NDUFA10: variants seen among roughly 807,000 people sequenced by gnomAD.
NDUFA10 encodes the protein NADH:ubiquinone oxidoreductase subunit A10, also known as NADH dehydrogenase [ubiquinone] 1 alpha subcomplex subunit 10, mitochondrial.
A neutral mutation model predicts 47.8 loss-of-function variants in NDUFA10; 40 were observed. The observed-to-expected ratio is 0.84, with a 90% CI of 0.65 to 1.09. NDUFA10 has a LOEUF of 1.09. Ranked by LOEUF, NDUFA10 falls within the 50% of genes least tolerant of loss-of-function variation. The pLI is 0.00. For missense variants in NDUFA10, 413 were observed against 451.1 expected (o/e 0.92, Z 0.76); for synonymous variants, 183 against 172.2 (o/e 1.06, Z -0.49).
At chr2:239,968,328 C>T (rs1695168683) in intron 9 of NDUFA10, among the ~76,000 whole-genome samples, 1 of 152,208 alleles carries the variant, frequency 6.6e-6, no homozygotes, top group Non-Finnish European at 1.5e-5. Flanking sequence ...CGCTGAGCAG[C>T]GAGCACAGAC....
intron 4 of NDUFA10, among the ~76,000 whole-genome samples, chr2:239,916,590 C>T (rs568952779): frequency 5.2e-4 from 79 of 152,372 alleles, no homozygotes; most frequent in African/African-American, 1.7e-3. Flanking sequence ...AAAATACCAA[C>T]GCTGCACAAG....
intron 4 of NDUFA10, among the ~76,000 whole-genome samples, chr2:239,941,310 T>C (rs1326223513): frequency 2.6e-5 from 4 of 152,210 alleles, no homozygotes; most frequent in South Asian, 4.1e-4. Flanking sequence ...GAGTGGCACA[T>C]AGGGTAAAGT....
At chr2:239,950,145 AG>A (rs1355187125) in intron 4 of NDUFA10, among the ~76,000 whole-genome samples, 5 of 152,188 alleles carry the variant, frequency 3.3e-5, no homozygotes, top group African/African-American at 1.2e-4. Flanking sequence ...AGATTTAGAA[AG>A]GTTTCCAGTC....
chr2:240,014,148 C>T (rs1016805639), intron 5 of NDUFA10: 16 of 158,334 alleles, frequency 1.0e-4, no homozygotes, highest in Non-Finnish European at 2.0e-4. Flanking sequence ...CAGGATCCTC[C>T]ATCAAGCCGC....
At chr2:239,937,330 A>C (rs1220501061) in intron 4 of NDUFA10, among the ~76,000 whole-genome samples, 1 of 152,204 alleles carries the variant, frequency 6.6e-6, no homozygotes, top group Non-Finnish European at 1.5e-5. Context: ...CATTTCCATC[A>C]TCTGAAAAGG....
chr2:239,937,317 G>A (rs1694281315), intron 4 of NDUFA10, among the ~76,000 whole-genome samples: 1 of 152,176 alleles, frequency 6.6e-6, no homozygotes, highest in African/African-American at 2.4e-5. Context: ...TATGATTTTA[G>A]AACATTTCCA....
rs184845062 is a variant in NDUFA10, at chr2:239,905,881, A to G, written c.295-10567T>C. ...GGAGGGGAGCAGCCTGGGAGGGGAC[A>G]GGAGGGGAGGAAGCAGTCCAAGTGG... On this transcript the variant is annotated intron_variant, in intron 4 of 5. Transcript: ENST00000419408. Among the ~76,000 whole-genome samples the G allele has an allele frequency of 8.9e-3, 1,163 of 130,496 alleles. 23 individuals carry two copies. The highest frequency in any genetic ancestry group is 0.032 in the African/African-American group (1,070 of 33,696). 85.6% of individuals were successfully genotyped at this position (130,496 alleles called of 152,430 possible).
At chr2:239,930,829 CCGCAGGG>C (rs1694158555) in intron 4 of NDUFA10, among the ~76,000 whole-genome samples, 4 of 144,542 alleles carry the variant, frequency 2.8e-5, no homozygotes, top group South Asian at 2.3e-4. Flanking sequence ...GGTCAGGAGG[CCGCAGGG>C]TCCTGGTGGA....
chr2:239,945,275 G>C lies in NDUFA10; in HGVS notation c.294+44799C>G, dbSNP rs564296531. 6.6e-6 allele frequency among the ~76,000 whole-genome samples: 1 copy of C among 152,346 alleles called. No individual in the cohort carries two copies. Among genetic ancestry groups the C allele is most frequent in the East Asian group, 1.9e-4 (1 of 5,184 alleles). ...CTTCATTTGCACAACCGCAGCGGCA[G>C]CGCCATCATTCCTCCTGCTTTGCAG... On this transcript the variant is annotated intron_variant, in intron 4 of 5. Transcript: ENST00000419408. This position sits in a 1 kb window ranked among gnomAD's most constrained non-coding sequence, Gnocchi z 4.6.
intron 4 of NDUFA10, among the ~76,000 whole-genome samples, chr2:239,917,646 T>C (rs73101719): frequency 0.046 from 7,067 of 152,310 alleles, 547 homozygotes; most frequent in African/African-American, 0.16. Context: ...ATTTGACTAA[T>C]TGTTTTGCCT....
chr2:239,985,466 T>C (rs1254568331), intron 9 of NDUFA10, among the ~76,000 whole-genome samples: 4 of 148,326 alleles, frequency 2.7e-5, no homozygotes, highest in Non-Finnish European at 4.4e-5. Context: ...TCTAGGCTGA[T>C]GCACACTCAA....
Position 239,950,754 on chromosome 2 carries a change from C to A in NDUFA10, c.294+39320G>T, listed in dbSNP as rs376006094. 7.9e-4 allele frequency among the ~76,000 whole-genome samples: 121 copies of A among 152,318 alleles called. 2 individuals are homozygous for A. In the South Asian group the frequency reaches 0.014, roughly 17 times the overall value. On this transcript the variant is annotated intron_variant, in intron 4 of 5. Coordinates refer to the NDUFA10 transcript ENST00000419408. ...AGTGGCAGCCGCACGCCTGTCTGTC[C>A]CCGTGGTCGGCTGTGCAGACCCCTG...
At chr2:239,897,454 G>C (rs1693418790) in intron 4 of NDUFA10, among the ~76,000 whole-genome samples, 1 of 152,100 alleles carries the variant, frequency 6.6e-6, no homozygotes, top group Non-Finnish European at 1.5e-5. Context: ...ATGTAAATTA[G>C]AGACAAGTTT....
chr2:240,000,111 T>A (rs944761310), intron 8 of NDUFA10, among the ~76,000 whole-genome samples: 7 of 152,254 alleles, frequency 4.6e-5, no homozygotes, highest in Non-Finnish European at 1.0e-4. Context: ...TTCTCATCAA[T>A]GACCATGTTA....
Position 239,959,367 on chromosome 2 carries a change from G to C in NDUFA10, c.*1751C>G, listed in dbSNP as rs148009367. ...CCACCAAGGTTGAAGGAAACAGCTA[G>C]CTCTTTGCAGCCAAAGACATTAGGA... is the stretch of plus-strand genomic sequence containing the variant. On this transcript the variant is annotated 3_prime_UTR_variant, in exon 10 of 10. Transcript: ENST00000252711. The C allele has an allele frequency of 2.0e-6, 2 of 985,484 alleles. No homozygotes were observed. Among genetic ancestry groups the C allele is most frequent in the East Asian group, 2.3e-4 (2 of 8,816 alleles). The allele number at this position is 985,484 out of a possible 1,614,324, so 61.0% of individuals were successfully genotyped here.
chr2:240,012,221 G>C, intron 5 of NDUFA10: 1 of 164,468 alleles, frequency 6.1e-6, no homozygotes, highest in Non-Finnish European at 1.3e-5. Context: ...TGCACTATGC[G>C]AATTTCAGAA....
chr2:239,917,026 G>GAC (rs1693892081), intron 4 of NDUFA10, among the ~76,000 whole-genome samples: 1 of 152,214 alleles, frequency 6.6e-6, no homozygotes. Flanking sequence ...CACCCAGAGA[G>GAC]ACACACACAC....
At chr2:239,892,868 A>G (rs1047675747) in intron 5 of NDUFA10, among the ~76,000 whole-genome samples, 1 of 152,178 alleles carries the variant, frequency 6.6e-6, no homozygotes, top group East Asian at 1.9e-4. Context: ...TGGTAAAGAG[A>G]CTATCTACAA....
At chr2:239,922,009 C>G (rs1478224727) in intron 4 of NDUFA10, among the ~76,000 whole-genome samples, 1 of 70,964 alleles carries the variant, frequency 1.4e-5, no homozygotes, top group Non-Finnish European at 3.3e-5. Flanking sequence ...TCCTTCTTTC[C>G]TTCCTTCCCT....
Sources: gnomAD v4.1 joint callset for allele counts (sites outside exome capture counted in the v4.1 genomes callset) on GRCh38, gnomAD v4.1.1 for gene constraint, Gnocchi (gnomAD v3.1) non-coding constraint, MANE v1.5 for transcripts, NCBI Gene and HGNC (gene_info 2026-07-23, HGNC 2026-07-21) for gene names.